Variants in LRRC57 observed in about 807,000 individuals in gnomAD.
LRRC57 encodes leucine-rich repeat-containing protein 57.
A neutral mutation model predicts 23.1 loss-of-function variants in LRRC57; 14 were observed. The observed-to-expected ratio is 0.61, with a 90% CI of 0.40 to 0.95. The LOEUF (loss-of-function observed/expected upper bound fraction) is 0.95. Ranked by LOEUF, LRRC57 falls within the 40% of genes least tolerant of loss-of-function variation. LRRC57 has a pLI of 0.00. For synonymous variants in LRRC57, 106 were observed against 115.2 expected, an observed-to-expected ratio of 0.92 and a Z score of 0.51; for missense variants, 236 against 284.4, an observed-to-expected ratio of 0.83 and a Z score of 1.22.
chr15:42,544,383 C>A (rs560215794), intron 5 of LRRC57, among the ~76,000 whole-genome samples: 1 of 151,650 alleles, frequency 6.6e-6, no homozygotes, highest in South Asian at 2.1e-4. Flanking sequence ...AGCAATCTAC[C>A]AAAAATAGAA....
chr15:42,528,445 C>G, the LRRC57 span: 1 of 1,611,164 alleles, frequency 6.2e-7, no homozygotes, highest in Admixed American at 1.7e-5. Context: ...CCTGATATTC[C>G]TGTACCTTTC....
Position 42,540,142 on chromosome 15 carries a change from G to C in LRRC57, c.*3941C>G, listed in dbSNP as rs2057621414. The C allele has an allele frequency of 6.6e-6, 1 of 150,590 alleles. No individual in the cohort carries two copies. The highest frequency in any genetic ancestry group is 1.5e-5 in the Non-Finnish European group (1 of 68,018). The allele number at this position is 150,590 out of a possible 1,614,324, so 9.3% of individuals were successfully genotyped here. On this transcript the variant is annotated 3_prime_UTR_variant, in exon 6 of 6. Transcript: ENST00000397130. ...ACCCGGGAGGCGGAGGTTGCAGTGA[G>C]CCAAGATCGCGCCATTGTACTCCAG...
chr15:42,533,335 G>T (rs1385545317), downstream of LRRC57, among the ~76,000 whole-genome samples: 2 of 152,162 alleles, frequency 1.3e-5, no homozygotes, highest in African/African-American at 4.8e-5. Context: ...GAAGGGTAAT[G>T]GTTCTGTGTG....
In LRRC57 at chr15:42,541,223, G is replaced by A. The variant is rs1042292465; in HGVS notation, c.*2860C>T. On this transcript the variant is annotated 3_prime_UTR_variant, in exon 6 of 6. Coordinates refer to ENST00000397130, the MANE Select transcript of LRRC57 (RefSeq NM_153260.3). Reference sequence around the variant, plus strand: ...AGAAATAGAAAATGACATATGGGAGGCTGGGTGTGTTGGCTCCCACCTGTA... The same window carrying A: ...AGAAATAGAAAATGACATATGGGAGACTGGGTGTGTTGGCTCCCACCTGTA... 1.3e-5 allele frequency: 2 copies of A among 152,104 alleles called. No individual in the cohort carries two copies. The highest frequency in any genetic ancestry group is 4.8e-5 in the African/African-American group (2 of 41,386). The allele number at this position is 152,104 out of a possible 1,614,324, so 9.4% of individuals were successfully genotyped here.
chr15:42,543,942 C>A lies in LRRC57; in HGVS notation c.*141G>T. 1 of 572,928 alleles carries A rather than the reference C, an allele frequency of 1.7e-6. No homozygotes were observed. Among genetic ancestry groups the A allele is most frequent in the Non-Finnish European group, 3.1e-6 (1 of 322,284 alleles). 35.5% of individuals were successfully genotyped at this position (572,928 alleles called of 1,614,324 possible). ...GAAGAGCCCTGAAATGAGAAAAGAT[C>A]ATTGAGTGAAATATAATCTCCTGAA... On this transcript the variant is annotated 3_prime_UTR_variant, in exon 6 of 6. Coordinates refer to ENST00000397130, the MANE Select transcript of LRRC57 (RefSeq NM_153260.3).
In LRRC57 at chr15:42,541,222, G is replaced by A. The variant is rs559383991; in HGVS notation, c.*2861C>T. 2.0e-5 allele frequency: 3 copies of A among 152,240 alleles called. No homozygotes were observed. The highest frequency in any genetic ancestry group is 7.2e-5 in the African/African-American group (3 of 41,534). The allele number at this position is 152,240 out of a possible 1,614,324, so 9.4% of individuals were successfully genotyped here. A position where few individuals can be genotyped will look rare whatever the true frequency, so the allele number is the denominator to read the frequency against. ...GAGAAATAGAAAATGACATATGGGAGGCTGGGTGTGTTGGCTCCCACCTGT... is the reference window on the plus strand; with the variant it reads ...GAGAAATAGAAAATGACATATGGGAAGCTGGGTGTGTTGGCTCCCACCTGT... On this transcript the variant is annotated 3_prime_UTR_variant, in exon 6 of 6. Coordinates refer to ENST00000397130, the MANE Select transcript of LRRC57 (RefSeq NM_153260.3).
At chr15:42,531,479 A>T in the LRRC57 span, 2 of 1,598,508 alleles carry the variant, frequency 1.3e-6, no homozygotes, top group South Asian at 2.3e-5. Context: ...TGACAGCTAA[A>T]GCTACTGCTG....
chr15:42,548,639 C>T, intron 1 of LRRC57, 54 bp downstream of exon 1: 1 of 632,858 alleles, frequency 1.6e-6, no homozygotes, highest in Non-Finnish European at 2.7e-6. Context: ...TGCAGCTCTG[C>T]GGAGGCCAGG....
rs770998477 is a variant in LRRC57, at chr15:42,545,278, A to G, written c.493-16T>C. 3 of 1,543,710 alleles carry G rather than the reference A, an allele frequency of 1.9e-6. No homozygotes were observed. The highest frequency in any genetic ancestry group is 2.6e-6 in the Non-Finnish European group (3 of 1,147,334). On this transcript the variant is annotated splice_polypyrimidine_tract_variant and intron_variant, in intron 4 of 5. Transcript: ENST00000397130. Reference sequence around the variant, plus strand: ...TCTGAGATATCTATTGAAAAACCACAAAAGAATAACAGGAAAAAGCATAAG... The same window carrying G: ...TCTGAGATATCTATTGAAAAACCACGAAAGAATAACAGGAAAAAGCATAAG...
In LRRC57 at chr15:42,543,171, C is replaced by A. The variant is rs538829555; in HGVS notation, c.*912G>T. 6.6e-6 allele frequency: 1 copy of A among 150,598 alleles called. No individual in the cohort carries two copies. The highest frequency in any genetic ancestry group is 1.5e-5 in the Non-Finnish European group (1 of 67,630). 9.3% of individuals were successfully genotyped at this position (150,598 alleles called of 1,614,324 possible). A position where few individuals can be genotyped will look rare whatever the true frequency, so the allele number is the denominator to read the frequency against. On this transcript the variant is annotated 3_prime_UTR_variant, in exon 6 of 6. Coordinates refer to ENST00000397130, the MANE Select transcript of LRRC57 (RefSeq NM_153260.3). Reference sequence around the variant, plus strand: ...GGCGTGAGTCGCCGTGCCCAGCCAACAAAGCGTACTTTAAAAAAAAAAAAT... The same window carrying A: ...GGCGTGAGTCGCCGTGCCCAGCCAAAAAAGCGTACTTTAAAAAAAAAAAAT...
chr15:42,534,461 C>G (rs1268564091), downstream of LRRC57, among the ~76,000 whole-genome samples: 1 of 152,186 alleles, frequency 6.6e-6, no homozygotes, highest in Non-Finnish European at 1.5e-5. Flanking sequence ...GCCCAGTCAT[C>G]CATGAGGGTT....
In LRRC57 at chr15:42,538,694, G is replaced by A. The variant is rs924300243; in HGVS notation, c.*5389C>T. ...GTGCTTACTCTGTCATGGCCACTATGCTAAGTGCTTTTATATAGTTTTTTG... is the reference window on the plus strand; with the variant it reads ...GTGCTTACTCTGTCATGGCCACTATACTAAGTGCTTTTATATAGTTTTTTG... On this transcript the variant is annotated 3_prime_UTR_variant, in exon 6 of 6. Transcript: ENST00000397130. 1.3e-5 allele frequency: 2 copies of A among 152,214 alleles called. No individual in the cohort carries two copies. The highest frequency in any genetic ancestry group is 6.5e-5 in the Admixed American group (1 of 15,278). 9.4% of individuals were successfully genotyped at this position (152,214 alleles called of 1,614,324 possible).
Position 42,548,166 on chromosome 15 carries a change from G to C in LRRC57, c.163C>G (p.Pro55Ala). The change falls in exon 3 of 6, where the codon CCT becomes GCT. Residue 55 changes from proline (P) to alanine (A), a missense_variant. Pro to Ala is a conservative substitution (Grantham distance 27, BLOSUM62 -1). Coordinates refer to ENST00000397130, the MANE Select transcript of LRRC57 (RefSeq NM_153260.3). ...LSNNKIESLP[P>A]LLIGKFTLLK... ...AGAGTGAACTTTCCTATCAGCAAAGGCGGTAGGCTTTCGATCTTGTTGTTG... is the reference window on the plus strand; with the variant it reads ...AGAGTGAACTTTCCTATCAGCAAAGCCGGTAGGCTTTCGATCTTGTTGTTG... 1 of 1,614,190 alleles carries C rather than the reference G, an allele frequency of 6.2e-7. No homozygotes were observed. Among genetic ancestry groups the C allele is most frequent in the East Asian group, 2.2e-5 (1 of 44,880 alleles).
rs906443563 is a variant in LRRC57, at chr15:42,547,970, G to C, written c.223+136C>G. On this transcript the variant is annotated intron_variant, in intron 3 of 5. Transcript: ENST00000397130. ...TGTAATTACAAGAAGTAGAAAGAAG[G>C]CTTCAAGGATTCCGGCATTCGCAAC... is the stretch of plus-strand genomic sequence containing the variant. The C allele has an allele frequency of 4.9e-5, 38 of 767,866 alleles. No individual in the cohort carries two copies. The Admixed American group carries it at 1.1e-3, about 21-fold the overall frequency. 47.6% of individuals were successfully genotyped at this position (767,866 alleles called of 1,614,324 possible). A position where few individuals can be genotyped will look rare whatever the true frequency, so the allele number is the denominator to read the frequency against.
chr15:42,544,959 T>G (rs796764778), intron 5 of LRRC57, 118 bp downstream of exon 5: 2 of 768,924 alleles, frequency 2.6e-6, no homozygotes, highest in African/African-American at 3.6e-5. Flanking sequence ...TTGAATCTAC[T>G]TCCAAAATGG....
At chr15:42,529,532 G>A in the LRRC57 span, 34 of 758,342 alleles carry the variant, frequency 4.5e-5, no homozygotes, top group East Asian at 7.9e-4. Flanking sequence ...ATTATAGAAT[G>A]TTTCCCAGGA....
Position 42,543,043 on chromosome 15 carries a change from G to A in LRRC57, c.*1040C>T, listed in dbSNP as rs555055385. On this transcript the variant is annotated 3_prime_UTR_variant, in exon 6 of 6. Transcript: ENST00000397130. ...CCACCACCACGCCCAGCTAATTTTT[G>A]TATTTTCAGTAGAGACAGGGTTTCA... The A allele has an allele frequency of 1.3e-5, 2 of 151,534 alleles. No homozygotes were observed. The highest frequency in any genetic ancestry group is 2.9e-5 in the Non-Finnish European group (2 of 67,998). The allele number at this position is 151,534 out of a possible 1,614,324, so 9.4% of individuals were successfully genotyped here.
chr15:42,530,070 G>A, the LRRC57 span, among the ~76,000 whole-genome samples: 2 of 152,162 alleles, frequency 1.3e-5, no homozygotes, highest in Admixed American at 6.5e-5. Flanking sequence ...ATGAAGCTTA[G>A]TATCTACTTT....
chr15:42,529,596 C>T, the LRRC57 span: 2 of 1,462,552 alleles, frequency 1.4e-6, no homozygotes, highest in East Asian at 2.3e-5. Context: ...ATTTTGGTTA[C>T]TTACTTTTGT....
Sources: allele counts gnomAD v4.1 joint callset (sites outside exome capture counted in the v4.1 genomes callset), GRCh38; gene constraint gnomAD v4.1.1; transcripts MANE v1.5; gene names NCBI Gene and HGNC (gene_info 2026-07-23, HGNC 2026-07-21).